The following CRB1 variants were observed in gnomAD, a reference collection of about 807,000 sequenced individuals.
CRB1 encodes the protein protein crumbs homolog 1.
In CRB1, 83 loss-of-function variants were observed where a neutral mutation model predicts 120.0. The ratio of observed to expected loss-of-function variants is 0.69; its 90% confidence interval spans 0.58 to 0.83. CRB1 has a LOEUF of 0.83. Ranked by LOEUF, CRB1 falls within the 40% of genes least tolerant of loss-of-function variation. The pLI is 0.00. For missense variants in CRB1, 1,699 were observed against 1,687.6 expected, an observed-to-expected ratio of 1.01 and a Z score of -0.12; for synonymous variants, 625 against 612.5, an observed-to-expected ratio of 1.02 and a Z score of -0.30.
intron 11 of CRB1, among the ~76,000 whole-genome samples, chr1:197,456,450 T>A (rs1158545407): frequency 6.6e-6 from 1 of 152,132 alleles, no homozygotes; most frequent in Admixed American, 6.6e-5. Context: ...GAAATTAAGA[T>A]GAAAATGATA....
At chr1:197,473,200 C>T (rs573945084) in intron 11 of CRB1, among the ~76,000 whole-genome samples, 28 of 152,244 alleles carry the variant, frequency 1.8e-4, no homozygotes, top group Non-Finnish European at 3.2e-4. Flanking sequence ...AAACAAGTAT[C>T]GAAATTGGAT....
intron 1 of CRB1, among the ~76,000 whole-genome samples, chr1:197,282,316 GAAGA>G (rs1476877372): frequency 1.3e-5 from 2 of 151,704 alleles, no homozygotes; most frequent in East Asian, 3.9e-4. Flanking sequence ...ATTAGAATAA[GAAGA>G]GAGAACACAA....
intron 5 of CRB1, among the ~76,000 whole-genome samples, chr1:197,408,666 G>A (rs2125446860): frequency 6.6e-6 from 1 of 152,250 alleles, no homozygotes; most frequent in Admixed American, 6.5e-5. Context: ...ATACAAGACA[G>A]GTTTTTATAA....
chr1:197,234,092 T>G, the CRB1 span, among the ~76,000 whole-genome samples: 1 of 152,278 alleles, frequency 6.6e-6, no homozygotes, highest in East Asian at 1.9e-4. Flanking sequence ...GGTAGAGGCA[T>G]GTGGATGCAT....
At chr1:197,336,063 A>G (rs1000760495) in intron 2 of CRB1, among the ~76,000 whole-genome samples, 1 of 152,256 alleles carries the variant, frequency 6.6e-6, no homozygotes, top group Admixed American at 6.5e-5. Context: ...CAACTGCAAC[A>G]TATTTTACCT....
upstream of CRB1, among the ~76,000 whole-genome samples, chr1:197,264,486 A>G (rs1444605979): frequency 6.6e-6 from 1 of 152,196 alleles, no homozygotes; most frequent in Non-Finnish European, 1.5e-5. Flanking sequence ...TTGGGTAGCT[A>G]CACAGTAATG....
intron 5 of CRB1, among the ~76,000 whole-genome samples, chr1:197,414,439 TTCTC>T (rs1663868759): frequency 1.3e-5 from 2 of 152,144 alleles, no homozygotes; most frequent in Admixed American, 6.5e-5. Flanking sequence ...ATATGATTTA[TTCTC>T]AAGGAAATAT....
intron 11 of CRB1, among the ~76,000 whole-genome samples, chr1:197,462,842 T>G: frequency 6.6e-6 from 1 of 151,818 alleles, no homozygotes; most frequent in East Asian, 1.9e-4. Flanking sequence ...AACGCCAGAG[T>G]GTCATGTAAT....
In CRB1 at chr1:197,429,218, T is replaced by A. The variant is rs1430294711; in HGVS notation, c.2677-231T>A. The A allele has an allele frequency of 4.7e-6, 7 of 1,477,316 alleles. No homozygotes were observed. In the African/African-American group the frequency reaches 8.4e-5, roughly 18 times the overall value. The allele number at this position is 1,477,316 out of a possible 1,614,324, so 91.5% of individuals were successfully genotyped here. On this transcript the variant is annotated intron_variant, in intron 7 of 11. Coordinates refer to ENST00000367400, the MANE Select transcript of CRB1 (RefSeq NM_201253.3). ...TGAAAAACCCTCCTTGTGCTATGGATCAATTTTATATCTTTTCTCTCTCTC... is the reference window on the plus strand; with the variant it reads ...TGAAAAACCCTCCTTGTGCTATGGAACAATTTTATATCTTTTCTCTCTCTC...
At chr1:197,229,012 T>C in the CRB1 span, among the ~76,000 whole-genome samples, 1,222 of 152,238 alleles carry the variant, frequency 8.0e-3, 15 homozygotes, top group African/African-American at 0.024. Flanking sequence ...TCTCCCACCG[T>C]GTTCCTCCCA....
chr1:197,246,318 C>G, the CRB1 span, among the ~76,000 whole-genome samples: 1 of 152,004 alleles, frequency 6.6e-6, no homozygotes, highest in Non-Finnish European at 1.5e-5. Context: ...TAGGTTGCCC[C>G]TTTCCTGGTC....
chr1:197,300,501 A>G (rs1656801383), intron 1 of CRB1, among the ~76,000 whole-genome samples: 1 of 152,042 alleles, frequency 6.6e-6, no homozygotes, highest in South Asian at 2.1e-4. Context: ...ACTCTCCTCA[A>G]TTCTATGAAG....
chr1:197,256,147 A>G, the CRB1 span, among the ~76,000 whole-genome samples: 1 of 151,166 alleles, frequency 6.6e-6, no homozygotes, highest in African/African-American at 2.4e-5. Context: ...ACTAACAACC[A>G]GCCCTCAGTC....
intron 11 of CRB1, among the ~76,000 whole-genome samples, chr1:197,453,870 A>C (rs955098296): frequency 7.0e-6 from 1 of 141,938 alleles, no homozygotes; most frequent in Non-Finnish European, 1.5e-5. Context: ...TATTAATATT[A>C]TTAATAATAT....
At chr1:197,423,644 C>CT (rs1209621469) in intron 6 of CRB1, among the ~76,000 whole-genome samples, 1 of 152,088 alleles carries the variant, frequency 6.6e-6, no homozygotes, top group African/African-American at 2.4e-5. Flanking sequence ...AGTCTTTCTG[C>CT]TACTGTACAT....
the CRB1 span, among the ~76,000 whole-genome samples, chr1:197,262,306 G>A: frequency 1.3e-5 from 2 of 152,052 alleles, no homozygotes; most frequent in African/African-American, 4.8e-5. Flanking sequence ...TGAATAGACA[G>A]CTCAAATTGA....
intron 1 of CRB1, among the ~76,000 whole-genome samples, 164 bp downstream of exon 1, chr1:197,268,646 C>T (rs1306291380): frequency 1.3e-5 from 2 of 151,800 alleles, no homozygotes; most frequent in Non-Finnish European, 2.9e-5. Flanking sequence ...ATCAGTGATA[C>T]CAGTCAATGT....
At chr1:197,282,732 A>T (rs1655595687) in intron 1 of CRB1, among the ~76,000 whole-genome samples, 1 of 151,900 alleles carries the variant, frequency 6.6e-6, no homozygotes, top group Non-Finnish European at 1.5e-5. Context: ...TATGTTCTCA[A>T]TGTCTTGTAA....
In CRB1 at chr1:197,277,998, AAAC is replaced by A. The variant is rs1041539678; in HGVS notation, c.70+9522_70+9524del. On this transcript the variant is annotated intron_variant, in intron 1 of 11. Transcript: ENST00000367400. Reference sequence around the variant, plus strand: ...AAACAAACCCAACATCTTAGTGTTAAAACAACAAGGTGTATATCTTGTTCCCAC... The same window carrying A: ...AAACAAACCCAACATCTTAGTGTTAAAACAAGGTGTATATCTTGTTCCCAC... Among the ~76,000 whole-genome samples, 9 of 152,118 alleles carry A rather than the reference AAAC, an allele frequency of 5.9e-5. No homozygotes were observed. In the South Asian group the frequency reaches 1.9e-3, roughly 31 times the overall value.
Sources: allele counts gnomAD v4.1 joint callset (sites outside exome capture counted in the v4.1 genomes callset), GRCh38; gene constraint gnomAD v4.1.1; transcripts MANE v1.5; gene names NCBI Gene and HGNC (gene_info 2026-07-23, HGNC 2026-07-21).